DNAJC7: variants seen among roughly 807,000 people sequenced by gnomAD.
DNAJC7 encodes dnaJ homolog subfamily C member 7.
A neutral mutation model predicts 67.4 loss-of-function variants in DNAJC7; 18 were observed. The ratio of observed to expected loss-of-function variants is 0.27; its 90% CI spans 0.18 to 0.40. The LOEUF (loss-of-function observed/expected upper bound fraction) is 0.40, where lower values mean the gene tolerates loss of function less well. Among genes scored for constraint, DNAJC7 ranks in the 10% least tolerant of loss-of-function variants. DNAJC7 has a pLI of 1.00. For synonymous variants in DNAJC7, 220 were observed against 207.8 expected (o/e 1.06, Z -0.50); for missense variants, 419 against 613.8 (o/e 0.68, Z 3.35).
intron 5 of DNAJC7, among the ~76,000 whole-genome samples, chr17:41,993,064 T>G (rs1296987910): frequency 6.6e-6 from 1 of 152,236 alleles, no homozygotes. Context: ...GGGATGCTAA[T>G]AAGTTACTGC....
chr17:42,014,063 T>C (rs887959428), intron 1 of DNAJC7: 15 of 151,936 alleles, frequency 9.9e-5, no homozygotes, highest in African/African-American at 3.6e-4. Flanking sequence ...CCTCCCAAAG[T>C]GCTGGGATTA....
intron 9 of DNAJC7, among the ~76,000 whole-genome samples, chr17:41,987,267 G>T (rs1275698888): frequency 6.6e-6 from 1 of 152,104 alleles, no homozygotes; most frequent in Non-Finnish European, 1.5e-5. Context: ...CACTCAAGCA[G>T]AGAGTAGCCA....
chr17:41,977,079 G>A (rs782668028), intron 13 of DNAJC7, 182 bp downstream of exon 13: 37 of 696,608 alleles, frequency 5.3e-5, no homozygotes, highest in Non-Finnish European at 8.4e-5. Context: ...CCCAAGGCAA[G>A]GGGTGCCTGG....
intron 12 of DNAJC7, among the ~76,000 whole-genome samples, chr17:41,979,478 C>T (rs2051185843): frequency 6.6e-6 from 1 of 150,594 alleles, no homozygotes; most frequent in Non-Finnish European, 1.5e-5. Context: ...TCAAGACCAG[C>T]CCGGCCAACA....
At chr17:42,010,031 A>G (rs1277364997) in intron 1 of DNAJC7, among the ~76,000 whole-genome samples, 1 of 152,282 alleles carries the variant, frequency 6.6e-6, no homozygotes, top group East Asian at 1.9e-4. Context: ...AGTCCCAGCT[A>G]CTCAGGAGGC....
chr17:41,992,748 A>G (rs1482355659), intron 5 of DNAJC7: 1 of 152,190 alleles, frequency 6.6e-6, no homozygotes, highest in African/African-American at 2.4e-5. Context: ...GTTTCTTCCA[A>G]GTTCATCTGT....
chr17:41,988,547 A>G (rs2051437633), intron 8 of DNAJC7, among the ~76,000 whole-genome samples, 185 bp downstream of exon 8: 2 of 152,216 alleles, frequency 1.3e-5, no homozygotes, highest in Non-Finnish European at 2.9e-5. Context: ...AAATTGTCCA[A>G]CTGCCCTCAA....
At position 41,987,895 on chromosome 17, in the gene DNAJC7, C is replaced by G; in HGVS notation, c.934G>C (p.Asp312His). The change falls in exon 9 of 14, where the codon GAT becomes CAT. Residue 312 changes from aspartate to histidine, a missense_variant. This residue lies in a region of DNAJC7 where 161 missense variants were observed against 252.2 expected (regional missense o/e 0.64). Coordinates refer to ENST00000457167, the MANE Select transcript of DNAJC7 (RefSeq NM_003315.4). ...TVNSKLRKLD[D>H]AIEDCTNAVK... Reference sequence around the variant, plus strand: ...GCATTTGTGCAGTCTTCTATTGCATCATCTAGTTTCCTAAGCTTCAGGAGA... The same window carrying G: ...GCATTTGTGCAGTCTTCTATTGCATGATCTAGTTTCCTAAGCTTCAGGAGA... 1.2e-6 allele frequency: 2 copies of G among 1,611,116 alleles called. No individual in the cohort carries two copies. The highest frequency in any genetic ancestry group is 1.7e-6 in the Non-Finnish European group (2 of 1,178,724).
At chr17:41,977,050 A>T (rs2051102777) in intron 13 of DNAJC7, 1 of 649,946 alleles carries the variant, frequency 1.5e-6, no homozygotes, top group African/African-American at 1.8e-5. Flanking sequence ...GACCCTGCAG[A>T]GATGCGGTGG....
intron 1 of DNAJC7, among the ~76,000 whole-genome samples, chr17:42,006,407 G>A (rs1373432104): frequency 3.3e-5 from 5 of 151,054 alleles, no homozygotes; most frequent in African/African-American, 1.2e-4. Context: ...ATAATCCCAG[G>A]AGGCTGAGGC....
intron 6 of DNAJC7, 90 bp from the exon 7 acceptor site, chr17:41,989,647 T>C (rs1480183143): frequency 3.3e-6 from 5 of 1,512,278 alleles, no homozygotes; most frequent in Non-Finnish European, 4.5e-6. Flanking sequence ...TCCTTGACCA[T>C]GTGTCTAGCA....
intron 1 of DNAJC7, among the ~76,000 whole-genome samples, chr17:42,006,993 T>A (rs1346764773): frequency 6.7e-6 from 1 of 148,640 alleles, no homozygotes. Context: ...TCCCAGCTAC[T>A]CAGTAGGCTG....
Position 41,988,891 on chromosome 17 carries a change from G to A in DNAJC7, c.759C>T (p.Ala253=), listed in dbSNP as rs1286408245. 1 of 1,612,934 alleles carries A rather than the reference G, an allele frequency of 6.2e-7. No homozygotes were observed. The highest frequency in any genetic ancestry group is 8.5e-7 in the Non-Finnish European group (1 of 1,179,598). ...HEKACIACRN[A]KALKAKKEDG... ...CTTCTTTCTTTGCTTTGAGTGCTTT[G>A]GCATTCTACAGAAAAAAGCAAGGGG... Residue 253 remains alanine, a synonymous_variant, in exon 8 of 14, where the codon GCC becomes GCT. Transcript: ENST00000457167.
intron 10 of DNAJC7, among the ~76,000 whole-genome samples, chr17:41,983,319 T>C (rs1487180481): frequency 2.0e-5 from 3 of 152,146 alleles, no homozygotes; most frequent in Non-Finnish European, 4.4e-5. Context: ...AGATGGGGTT[T>C]CACCATGTTG....
chr17:42,015,896 C>A (rs1432066756), intron 1 of DNAJC7: 1 of 152,134 alleles, frequency 6.6e-6, no homozygotes, highest in Non-Finnish European at 1.5e-5. Flanking sequence ...TCCCTATTTA[C>A]AGTATAAAGA....
chr17:42,005,177 A>G (rs1555649990), intron 1 of DNAJC7, among the ~76,000 whole-genome samples: 1 of 152,242 alleles, frequency 6.6e-6, no homozygotes, highest in East Asian at 1.9e-4. Context: ...TAATTACTCC[A>G]ACAAACACTG....
At chr17:41,980,017 T>C (rs973393165) in intron 12 of DNAJC7, among the ~76,000 whole-genome samples, 8 of 150,312 alleles carry the variant, frequency 5.3e-5, no homozygotes, top group Non-Finnish European at 1.2e-4. Flanking sequence ...GTGGAAGAGA[T>C]GGTAGGTCTG....
At chr17:42,006,950 G>A (rs1224549504) in intron 1 of DNAJC7, among the ~76,000 whole-genome samples, 2 of 151,284 alleles carry the variant, frequency 1.3e-5, no homozygotes, top group African/African-American at 4.9e-5. Flanking sequence ...GTACAAAAAA[G>A]GATTAGCCAG....
chr17:41,987,653 C>T (rs1555647069), intron 9 of DNAJC7, 166 bp downstream of exon 9: 2 of 542,872 alleles, frequency 3.7e-6, no homozygotes, highest in South Asian at 5.4e-5. Flanking sequence ...ATCTCCTCCG[C>T]TGGAGGTCTA....
Sources: gnomAD v4.1 joint callset for allele counts (sites outside exome capture counted in the v4.1 genomes callset) on GRCh38, gnomAD v4.1.1 for gene constraint, gnomAD v4.1.1 regional missense constraint, MANE v1.5 for transcripts, NCBI Gene and HGNC (gene_info 2026-07-23, HGNC 2026-07-21) for gene names.